Variants in SMIM9 observed in about 807,000 individuals in gnomAD.
SMIM9 encodes chromosome X open reading frame 68.
Under a neutral mutation model 7.2 loss-of-function variants are expected in SMIM9, and 8 were observed. The observed-to-expected ratio is 1.10, with a 90% CI of 0.65 to 1.99. The LOEUF is 1.99. Among genes scored for constraint, SMIM9 ranks in the 30% most tolerant of loss-of-function variants. SMIM9 has a pLI of 0.00. For missense variants in SMIM9, 76 were observed against 69.3 expected (o/e 1.10, Z -0.34); for synonymous variants, 19 against 26.4 (o/e 0.72, Z 0.86).
At chrX:154,827,801 C>T (rs1290280783) in intron 4 of SMIM9, among the ~76,000 whole-genome samples, 1 of 111,866 alleles carries the variant, frequency 8.9e-6, no homozygotes, top group African/African-American at 3.2e-5. Flanking sequence ...AATATTCCAC[C>T]CATATTTCCG....
At chrX:154,830,234 C>T (rs898765151) in intron 3 of SMIM9, among the ~76,000 whole-genome samples, 5 of 111,831 alleles carry the variant, frequency 4.5e-5, no homozygotes, top group Non-Finnish European at 7.5e-5. Flanking sequence ...GAGGGGAAAA[C>T]GAAAGTGTCT....
intron 1 of SMIM9, among the ~76,000 whole-genome samples, chrX:154,833,842 T>C (rs1557270733): frequency 9.0e-6 from 1 of 111,713 alleles, no homozygotes; most frequent in Admixed American, 9.5e-5. Flanking sequence ...AAAAATGGTA[T>C]CTCAGTTAGG....
At chrX:154,829,483 CCCCTTCACATTCCCTCTCTCCT>C in intron 4 of SMIM9, 30 bp downstream of exon 4, 2 of 1,151,777 alleles carry the variant, frequency 1.7e-6, no homozygotes, top group African/African-American at 1.8e-5. Flanking sequence ...TGTTCCCACC[CCCCTTCACATTCCCTCTCTCCT>C]CCCTGTCTCT....
Position 154,830,844 on chromosome X carries a change from T to C in SMIM9, c.13A>G (p.Lys5Glu). ...AGCAGAAATCCAATTATCAGCAGCT[T>C]CTGGGGTTCCATGGACTCCCGCCTT... MEPQ[K>E]LLIIGFLLCS... Residue 5 changes from lysine to glutamate, a missense_variant, in exon 3 of 5, where the codon AAG becomes GAG. Transcript: ENST00000369529. 8.6e-7 allele frequency: 1 copy of C among 1,166,909 alleles called. No homozygotes were observed. The highest frequency in any genetic ancestry group is 1.1e-6 in the Non-Finnish European group (1 of 872,518).
intron 4 of SMIM9, among the ~76,000 whole-genome samples, chrX:154,824,017 A>G (rs1457890051): frequency 4.5e-5 from 5 of 111,818 alleles, no homozygotes; most frequent in Admixed American, 1.9e-4. Context: ...TTTTTAAAGT[A>G]TCTTTTTAAA....
At chrX:154,826,133 T>C (rs782257339) in intron 4 of SMIM9, among the ~76,000 whole-genome samples, 25 of 111,922 alleles carry the variant, frequency 2.2e-4, no homozygotes, top group African/African-American at 8.1e-4. Flanking sequence ...TGTTGGATTA[T>C]TTTGGTTCTC....
intron 4 of SMIM9, among the ~76,000 whole-genome samples, 186 bp from the exon 5 acceptor site, chrX:154,823,968 T>C (rs782705621): frequency 4.5e-5 from 5 of 111,225 alleles, no homozygotes; most frequent in Non-Finnish European, 9.4e-5. Context: ...GGCTTGGAGG[T>C]AGTGGTATAA....
chrX:154,830,370 T>C (rs1157838586), intron 3 of SMIM9, among the ~76,000 whole-genome samples: 1 of 111,359 alleles, frequency 9.0e-6, no homozygotes, highest in Non-Finnish European at 1.9e-5. Flanking sequence ...ACCTCCTTTG[T>C]CAAGTCTTTC....
At chrX:154,827,610 T>C (rs2072426882) in intron 4 of SMIM9, among the ~76,000 whole-genome samples, 1 of 112,310 alleles carries the variant, frequency 8.9e-6, no homozygotes, top group Non-Finnish European at 1.9e-5. Flanking sequence ...CTCAGTACTG[T>C]GGTCCCAGCC....
At chrX:154,826,254 A>G (rs1049268374) in intron 4 of SMIM9, among the ~76,000 whole-genome samples, 5 of 110,371 alleles carry the variant, frequency 4.5e-5, no homozygotes, top group Non-Finnish European at 9.5e-5. Context: ...TATTTTCCAT[A>G]TTTTCTTTCA....
chrX:154,824,084 G>A (rs782248805), intron 4 of SMIM9, among the ~76,000 whole-genome samples: 13 of 111,105 alleles, frequency 1.2e-4, no homozygotes, highest in East Asian at 2.8e-4. Context: ...TGGGCCGGGC[G>A]CGGTGGCTCA....
intron 1 of SMIM9, among the ~76,000 whole-genome samples, chrX:154,833,719 G>T (rs1423542673): frequency 4.7e-5 from 5 of 105,512 alleles, no homozygotes; most frequent in African/African-American, 1.7e-4. Context: ...AGAACTTAAA[G>T]TAAAAAAAAA....
In SMIM9 at chrX:154,823,465, G is replaced by A. The variant is rs150552192; in HGVS notation, c.*290C>T. 8 of 249,457 alleles carry A rather than the reference G, an allele frequency of 3.2e-5. No homozygotes were observed. Among genetic ancestry groups the A allele is most frequent in the African/African-American group, 2.3e-4 (8 of 35,549 alleles). 20.6% of individuals were successfully genotyped at this position (249,457 alleles called of 1,213,427 possible). A position where few individuals can be genotyped will look rare whatever the true frequency, so the allele number is the denominator to read the frequency against. On this transcript the variant is annotated 3_prime_UTR_variant, in exon 5 of 5. Coordinates refer to ENST00000369529, the MANE Select transcript of SMIM9 (RefSeq NM_001162936.4). ...GGAGGTACATCAAGATGTTAATGAT[G>A]TTTATTTCTGGTTGCTAGAATTATG...
chrX:154,824,233 T>C (rs1368009899), intron 4 of SMIM9, among the ~76,000 whole-genome samples: 10 of 108,293 alleles, frequency 9.2e-5, no homozygotes, highest in Admixed American at 5.9e-4. Flanking sequence ...GGCGGGCGCC[T>C]GTAGTCCCAG....
chrX:154,829,399 T>A, intron 4 of SMIM9, 136 bp downstream of exon 4: 1 of 783,907 alleles, frequency 1.3e-6, no homozygotes, highest in Non-Finnish European at 1.8e-6. Flanking sequence ...CCTTTCACAG[T>A]TTTCCTCCCA....
chrX:154,823,569 A>T lies in SMIM9; in HGVS notation c.*186T>A. ...TTACTATTATAACCAAAACAGTAAT[A>T]AGGATATTCACATTTTAAAATTGCA... On this transcript the variant is annotated 3_prime_UTR_variant, in exon 5 of 5. Coordinates refer to ENST00000369529, the MANE Select transcript of SMIM9 (RefSeq NM_001162936.4). The T allele has an allele frequency of 2.7e-6, 1 of 366,569 alleles. No individual in the cohort carries two copies. Among genetic ancestry groups the T allele is most frequent in the Non-Finnish European group, 4.6e-6 (1 of 215,379 alleles). 30.2% of individuals were successfully genotyped at this position (366,569 alleles called of 1,213,427 possible). A position where few individuals can be genotyped will look rare whatever the true frequency, so the allele number is the denominator to read the frequency against.
In SMIM9 at chrX:154,830,657, G is replaced by A. The variant is rs782304214; in HGVS notation, c.142+58C>T. 58 of 1,124,477 alleles carry A rather than the reference G, an allele frequency of 5.2e-5. No homozygotes were observed. In the African/African-American group the frequency reaches 1.0e-3, roughly 20 times the overall value. The allele number at this position is 1,124,477 out of a possible 1,213,427, so 92.7% of individuals were successfully genotyped here. Reference sequence around the variant, plus strand: ...AAATTCATTTTACCTGACCTGAACTGAAACATGAATCTTAAGTCCTATGAA... The same window carrying A: ...AAATTCATTTTACCTGACCTGAACTAAAACATGAATCTTAAGTCCTATGAA... On this transcript the variant is annotated intron_variant, in intron 3 of 4. Coordinates refer to ENST00000369529, the MANE Select transcript of SMIM9 (RefSeq NM_001162936.4).
chrX:154,825,994 A>G (rs1346597209), intron 4 of SMIM9, among the ~76,000 whole-genome samples: 1 of 109,997 alleles, frequency 9.1e-6, no homozygotes, highest in African/African-American at 3.3e-5. Flanking sequence ...TGGGTGCAGC[A>G]CACCAACATG....
At chrX:154,831,896 T>A (rs1001951974) in intron 2 of SMIM9, among the ~76,000 whole-genome samples, 4 of 111,027 alleles carry the variant, frequency 3.6e-5, no homozygotes, top group Non-Finnish European at 7.5e-5. Flanking sequence ...GTTAAAATTG[T>A]ACCACCCTCC....
Sources: gnomAD v4.1 joint callset for allele counts (sites outside exome capture counted in the v4.1 genomes callset) on GRCh38, gnomAD v4.1.1 for gene constraint, MANE v1.5 for transcripts, NCBI Gene and HGNC (gene_info 2026-07-23, HGNC 2026-07-21) for gene names.